Variants in OSMR observed in about 807,000 individuals in gnomAD.
OSMR encodes the protein oncostatin-M-specific receptor subunit beta.
OSMR carries 81 observed loss-of-function variants against 99.9 expected under a neutral mutation model. That is an observed-to-expected ratio of 0.81 (90% confidence interval 0.68 to 0.97). The LOEUF is 0.97. Ranked by LOEUF, OSMR falls within the 50% of genes least tolerant of loss-of-function variation. The pLI is 0.00. For missense variants in OSMR, 1,099 were observed against 1,153.4 expected (o/e 0.95, Z 0.68); for synonymous variants, 406 against 410.4 (o/e 0.99, Z 0.13).
At chr5:38,847,301 C>T (rs1739925082) in intron 1 of OSMR, among the ~76,000 whole-genome samples, 1 of 152,216 alleles carries the variant, frequency 6.6e-6, no homozygotes, top group African/African-American at 2.4e-5. Flanking sequence ...AGCCCCTATT[C>T]TAAGCACTTG....
chr5:38,861,081 G>C (rs1741249446), intron 1 of OSMR, among the ~76,000 whole-genome samples: 4 of 152,130 alleles, frequency 2.6e-5, no homozygotes. Context: ...GTTGTGGTTT[G>C]AGGAAACACT....
chr5:38,866,849 A>G (rs904241382), intron 1 of OSMR, among the ~76,000 whole-genome samples: 3 of 152,088 alleles, frequency 2.0e-5, no homozygotes, highest in Non-Finnish European at 4.4e-5. Context: ...GGATTATAGG[A>G]GTTCACAGTA....
chr5:38,900,603 T>G (rs1744829628), intron 7 of OSMR, among the ~76,000 whole-genome samples: 1 of 152,132 alleles, frequency 6.6e-6, no homozygotes, highest in African/African-American at 2.4e-5. Context: ...AATACATGTA[T>G]TTGGGAAGGT....
intron 9 of OSMR, among the ~76,000 whole-genome samples, chr5:38,908,304 G>C (rs1404871010): frequency 1.3e-5 from 2 of 152,164 alleles, no homozygotes; most frequent in East Asian, 3.9e-4. Context: ...ACCAGTGCCA[G>C]CACTGTCACT....
At chr5:38,867,770 G>A (rs1742057764) in intron 1 of OSMR, among the ~76,000 whole-genome samples, 1 of 152,206 alleles carries the variant, frequency 6.6e-6, no homozygotes, top group Non-Finnish European at 1.5e-5. Flanking sequence ...AAATTTTAAT[G>A]AGGGAGATAG....
At chr5:38,896,114 G>T (rs12520669) in intron 7 of OSMR, among the ~76,000 whole-genome samples, 222 of 152,086 alleles carry the variant, frequency 1.5e-3, no homozygotes, top group Middle Eastern at 0.01. Flanking sequence ...TTTCTACTTA[G>T]GATAGCTTTG....
chr5:38,893,899 A>G (rs1254253038), intron 7 of OSMR, among the ~76,000 whole-genome samples: 1 of 152,218 alleles, frequency 6.6e-6, no homozygotes, highest in African/African-American at 2.4e-5. Context: ...GCCAGCACTA[A>G]AGAAAAAATC....
intron 1 of OSMR, among the ~76,000 whole-genome samples, chr5:38,853,156 A>G (rs1740561611): frequency 6.6e-6 from 1 of 152,220 alleles, no homozygotes; most frequent in Non-Finnish European, 1.5e-5. Context: ...ATCATGCCTA[A>G]CAGATTATAA....
downstream of OSMR, among the ~76,000 whole-genome samples, chr5:38,936,428 T>C (rs564486444): frequency 6.6e-6 from 1 of 152,322 alleles, no homozygotes; most frequent in South Asian, 2.1e-4. Flanking sequence ...ATATGGCCTT[T>C]ACATCCTGCG....
chr5:38,928,945 T>TCTCA (rs758730887), intron 15 of OSMR, among the ~76,000 whole-genome samples: 15 of 152,320 alleles, frequency 9.8e-5, no homozygotes, highest in Non-Finnish European at 2.2e-4. Context: ...AAATATGTAT[T>TCTCA]TTCTAAGTCT....
At chr5:38,868,285 C>G (rs914612995) in intron 1 of OSMR, among the ~76,000 whole-genome samples, 1 of 152,170 alleles carries the variant, frequency 6.6e-6, no homozygotes, top group African/African-American at 2.4e-5. Context: ...GCTGGCTGAT[C>G]TAGGCTGGTC....
intron 7 of OSMR, among the ~76,000 whole-genome samples, chr5:38,901,991 T>C (rs776365917): frequency 4.6e-5 from 7 of 152,180 alleles, no homozygotes; most frequent in Non-Finnish European, 8.8e-5. Context: ...GATACTTCTT[T>C]GGTGTTCAGC....
chr5:38,930,326 C>T (rs1337636741), intron 15 of OSMR, among the ~76,000 whole-genome samples: 1 of 152,124 alleles, frequency 6.6e-6, no homozygotes. Context: ...CTCTTACCTT[C>T]GTGGGTCCTT....
chr5:38,897,799 G>C (rs879875026), intron 7 of OSMR, among the ~76,000 whole-genome samples: 7 of 151,978 alleles, frequency 4.6e-5, no homozygotes, highest in African/African-American at 1.2e-4. Flanking sequence ...GCATCTTATA[G>C]GTTTTGGTGC....
chr5:38,904,485 T>G lies in OSMR; in HGVS notation c.1267T>G (p.Phe423Val). 6.2e-7 allele frequency: 1 copy of G among 1,614,176 alleles called. No homozygotes were observed. The highest frequency in any genetic ancestry group is 8.5e-7 in the Non-Finnish European group (1 of 1,180,046). ...WKWSEWSGQNFTTLEAAPSEA... is the reference protein window; with the variant it reads ...WKWSEWSGQNVTTLEAAPSEA... ...ATGGAGTGAATGGAGTGGTCAGAAC[T>G]TCACCACACTTGAAGCTGGTATGTT... The change falls in exon 9 of 18, where the codon TTC becomes GTC. Residue 423 changes from phenylalanine to valine, a missense_variant. Phe to Val is a conservative substitution (Grantham distance 50, BLOSUM62 -1). Transcript: ENST00000274276.
At chr5:38,892,085 C>T (rs1266488241) in intron 7 of OSMR, among the ~76,000 whole-genome samples, 2 of 152,158 alleles carry the variant, frequency 1.3e-5, no homozygotes, top group African/African-American at 4.8e-5. Context: ...GTGTGGCACC[C>T]GTGCGTGCCC....
chr5:38,921,512 C>G (rs1746232132), intron 11 of OSMR, 103 bp from the exon 12 acceptor site: 1 of 1,571,310 alleles, frequency 6.4e-7, no homozygotes, highest in Admixed American at 1.8e-5. Context: ...GGTCTGTTAC[C>G]TACTAGATAC....
intron 7 of OSMR, among the ~76,000 whole-genome samples, chr5:38,901,283 C>T (rs1744872526): frequency 6.6e-6 from 1 of 152,110 alleles, no homozygotes; most frequent in Non-Finnish European, 1.5e-5. Context: ...ATTTTTGAAC[C>T]CATAGGAGGA....
At chr5:38,880,975 G>GCCCGGT (rs1247327055) in intron 3 of OSMR, among the ~76,000 whole-genome samples, 7 of 152,214 alleles carry the variant, frequency 4.6e-5, no homozygotes, top group African/African-American at 1.7e-4. Flanking sequence ...GGGCCTAAGA[G>GCCCGGT]TCTGACAGAT....
Sources: allele counts gnomAD v4.1 joint callset (sites outside exome capture counted in the v4.1 genomes callset), GRCh38; gene constraint gnomAD v4.1.1; transcripts MANE v1.5; gene names NCBI Gene and HGNC (gene_info 2026-07-23, HGNC 2026-07-21).